Variants in CDH13 observed in about 807,000 individuals in gnomAD.
CDH13 encodes cadherin-13.
Under a neutral mutation model 63.8 loss-of-function variants are expected in CDH13, and 24 were observed. The observed-to-expected ratio is 0.38, with a 90% CI of 0.27 to 0.53. CDH13 has a LOEUF of 0.53. Ranked by LOEUF, CDH13 falls within the 20% of genes least tolerant of loss-of-function variation. The pLI, the probability that CDH13 is intolerant of heterozygous loss-of-function variation, is 0.85. For synonymous variants in CDH13, 503 were observed against 355.3 expected (o/e 1.42, Z -4.67); for missense variants, 1,049 against 903.1 (o/e 1.16, Z -2.07).
chr16:83,033,410 G>C (rs556270695), intron 3 of CDH13, among the ~76,000 whole-genome samples: 1 of 152,174 alleles, frequency 6.6e-6, no homozygotes, highest in African/African-American at 2.4e-5. Context: ...TCCTTCTGTT[G>C]TTTTGTTTTG....
intron 5 of CDH13, among the ~76,000 whole-genome samples, chr16:83,238,396 C>G (rs1234199118): frequency 6.6e-6 from 1 of 152,162 alleles, no homozygotes; most frequent in Non-Finnish European, 1.5e-5. Context: ...TATTCACTAT[C>G]ACGAGAACAG....
At chr16:83,056,796 A>G (rs765191313) in intron 3 of CDH13, among the ~76,000 whole-genome samples, 6 of 151,974 alleles carry the variant, frequency 3.9e-5, no homozygotes, top group African/African-American at 9.7e-5. Flanking sequence ...GTGATAGTGA[A>G]TAAGTCTCAC....
At chr16:83,749,627 G>T (rs1168009342) in intron 11 of CDH13, among the ~76,000 whole-genome samples, 1 of 152,168 alleles carries the variant, frequency 6.6e-6, no homozygotes, top group Non-Finnish European at 1.5e-5. Context: ...AAACTGACAC[G>T]ATGAAATATC....
chr16:82,637,762 A>C (rs1181549886), intron 1 of CDH13: 1 of 152,176 alleles, frequency 6.6e-6, no homozygotes, highest in Non-Finnish European at 1.5e-5. Flanking sequence ...ACAGATGAAG[A>C]AACTGGTGAG....
chr16:83,364,667 T>C (rs1030467708), intron 6 of CDH13, among the ~76,000 whole-genome samples: 4 of 152,138 alleles, frequency 2.6e-5, no homozygotes, highest in Non-Finnish European at 5.9e-5. Context: ...AGAGTGATAA[T>C]TTGGGACTTT....
intron 6 of CDH13, among the ~76,000 whole-genome samples, chr16:83,407,712 T>C (rs1686662749): frequency 6.6e-6 from 1 of 152,216 alleles, no homozygotes; most frequent in Non-Finnish European, 1.5e-5. Context: ...CCAGGAGGCA[T>C]TTTGGAAACC....
intron 6 of CDH13, among the ~76,000 whole-genome samples, chr16:83,388,302 A>AT (rs1555540756): frequency 0.012 from 1,735 of 149,790 alleles, 36 homozygotes; most frequent in African/African-American, 0.04. Flanking sequence ...AAAAAAAAAA[A>AT]TGTTAGCCAG....
At chr16:82,716,528 A>G (rs868846174) in intron 1 of CDH13, among the ~76,000 whole-genome samples, 79 of 150,808 alleles carry the variant, frequency 5.2e-4, no homozygotes, top group African/African-American at 1.8e-3. Context: ...GGGGATTATG[A>G]GTGGAGGAAT....
intron 1 of CDH13, among the ~76,000 whole-genome samples, chr16:82,700,118 T>C (rs900862792): frequency 6.6e-6 from 1 of 152,216 alleles, no homozygotes; most frequent in African/African-American, 2.4e-5. Context: ...GGTTATAGCA[T>C]CAAAGACAAA....
At chr16:82,645,794 C>T (rs1028803786) in intron 1 of CDH13, among the ~76,000 whole-genome samples, 11 of 152,164 alleles carry the variant, frequency 7.2e-5, no homozygotes, top group Admixed American at 5.2e-4. Context: ...GGTAAATACG[C>T]ACTTCAACTC....
intron 1 of CDH13, among the ~76,000 whole-genome samples, chr16:82,643,568 G>T (rs1480947482): frequency 2.0e-5 from 3 of 152,182 alleles, no homozygotes; most frequent in Non-Finnish European, 4.4e-5. Flanking sequence ...TGGAACTGCA[G>T]GTCACCTTGG....
At chr16:83,204,093 G>T (rs1460707388) in intron 4 of CDH13, among the ~76,000 whole-genome samples, 2 of 152,194 alleles carry the variant, frequency 1.3e-5, no homozygotes, top group East Asian at 3.8e-4. Context: ...ATGTTCCTGG[G>T]CCATGAATGG....
At chr16:83,539,679 C>T (rs1024460924) in intron 7 of CDH13, among the ~76,000 whole-genome samples, 10 of 152,192 alleles carry the variant, frequency 6.6e-5, no homozygotes, top group African/African-American at 2.4e-4. Context: ...GGAGTCCTCA[C>T]AAGAACTTCA....
chr16:82,869,161 C>G (rs954362006), intron 2 of CDH13, among the ~76,000 whole-genome samples: 72 of 152,258 alleles, frequency 4.7e-4, no homozygotes, highest in African/African-American at 1.6e-3. Flanking sequence ...ATTCTCATGC[C>G]TCAGCCTTCC....
chr16:83,241,962 G>T (rs2151815619), intron 5 of CDH13, among the ~76,000 whole-genome samples: 1 of 152,232 alleles, frequency 6.6e-6, no homozygotes, highest in South Asian at 2.1e-4. Context: ...CAGTTGTATA[G>T]TTTTAGGTCT....
intron 6 of CDH13, among the ~76,000 whole-genome samples, chr16:83,390,639 C>G (rs1033564245): frequency 2.0e-5 from 3 of 152,060 alleles, no homozygotes; most frequent in Non-Finnish European, 2.9e-5. Flanking sequence ...CCCACTGTCT[C>G]CCCACCCCAA....
intron 6 of CDH13, among the ~76,000 whole-genome samples, chr16:83,471,748 C>A (rs1479418152): frequency 2.0e-5 from 3 of 152,268 alleles, no homozygotes; most frequent in Admixed American, 1.3e-4. Context: ...ATATGCTCAC[C>A]CGAGCAGTGC....
chr16:83,051,221 G>T (rs1053360655), intron 3 of CDH13, among the ~76,000 whole-genome samples: 2 of 152,092 alleles, frequency 1.3e-5, no homozygotes, highest in African/African-American at 4.8e-5. Context: ...GTCACTTTCA[G>T]CCCTCACAAT....
chr16:83,141,957 A>G (rs1193579668), intron 4 of CDH13, among the ~76,000 whole-genome samples: 1 of 152,142 alleles, frequency 6.6e-6, no homozygotes, highest in African/African-American at 2.4e-5. Context: ...AGCACACTGC[A>G]GGACCCACCC....
Sources: gnomAD v4.1 joint callset for allele counts (sites outside exome capture counted in the v4.1 genomes callset) on GRCh38, gnomAD v4.1.1 for gene constraint, MANE v1.5 for transcripts, NCBI Gene and HGNC (gene_info 2026-07-23, HGNC 2026-07-21) for gene names.